The following MEF2A variants were observed in gnomAD, a reference collection of about 807,000 sequenced individuals.
The protein encoded by MEF2A is myocyte enhancer factor 2A, also known as myocyte-specific enhancer factor 2A.
A neutral mutation model predicts 55.8 loss-of-function variants in MEF2A; 28 were observed. The observed-to-expected ratio is 0.50, with a 90% CI of 0.37 to 0.69. MEF2A has a LOEUF of 0.69. MEF2A is among the 30% of genes least tolerant of loss of function. The probability of loss-of-function intolerance (pLI) is 0.00; values close to 1 mark genes in which losing one functional copy is unlikely to be tolerated. For missense variants in MEF2A, 528 were observed against 626.2 expected, an observed-to-expected ratio of 0.84 and a Z score of 1.67; for synonymous variants, 239 against 227.1, an observed-to-expected ratio of 1.05 and a Z score of -0.47.
At chr15:99,652,539 AAATGAGACACTGC>A (rs2047032087) in intron 4 of MEF2A, among the ~76,000 whole-genome samples, 1 of 152,172 alleles carries the variant, frequency 6.6e-6, no homozygotes, top group Admixed American at 6.5e-5. Context: ...GGAAATTAGG[AAATGAGACACTGC>A]AGTTAGTGTA....
chr15:99,580,228 G>C (rs1014430276), intron 1 of MEF2A, among the ~76,000 whole-genome samples: 8 of 152,132 alleles, frequency 5.3e-5, no homozygotes, highest in African/African-American at 1.9e-4. Context: ...CAATGGCTGG[G>C]ATTTGGTGAC....
rs2059165532 is a variant in MEF2A at position 99,716,485 on chromosome 15, T to C, written c.*3714T>C. On this transcript the variant is annotated 3_prime_UTR_variant, in exon 12 of 12. Coordinates refer to ENST00000557942, the MANE Select transcript of MEF2A (RefSeq NM_001319206.4). ...CCAGTAAAGACGGACTGGCTCTTCC[T>C]GTGCGTCGAGACTCTGTCATGTTTG... is the stretch of plus-strand genomic sequence containing the variant. The C allele has an allele frequency of 2.2e-6, 1 of 456,730 alleles. No homozygotes were observed. The highest frequency in any genetic ancestry group is 2.3e-5 in the Admixed American group (1 of 42,574). 28.3% of individuals were successfully genotyped at this position (456,730 alleles called of 1,614,324 possible).
rs1596475330 is a variant in MEF2A at position 99,612,892 on chromosome 15, T to C, written c.-143+14381T>C. On this transcript the variant is annotated intron_variant, in intron 2 of 11. Coordinates refer to ENST00000557942, the MANE Select transcript of MEF2A (RefSeq NM_001319206.4). Reference sequence around the variant, plus strand: ...AGAAATGTGAAGAATATAAAATTCTTCTCATATTCTTCTTTAGCAAGTGAA... The same window carrying C: ...AGAAATGTGAAGAATATAAAATTCTCCTCATATTCTTCTTTAGCAAGTGAA... 4.6e-5 allele frequency among the ~76,000 whole-genome samples: 7 copies of C among 151,946 alleles called. No individual in the cohort carries two copies. In the South Asian group the frequency reaches 1.5e-3, roughly 32 times the overall value.
intron 4 of MEF2A, 94 bp downstream of exon 4, chr15:99,645,858 A>G (rs180982553): frequency 1.7e-5 from 15 of 874,336 alleles, no homozygotes; most frequent in Non-Finnish European, 2.4e-5. Flanking sequence ...CATCTAAAAC[A>G]TAAATTAGGT....
At chr15:99,602,211 G>A (rs1199344963) in intron 2 of MEF2A, among the ~76,000 whole-genome samples, 2 of 152,122 alleles carry the variant, frequency 1.3e-5, no homozygotes, top group Non-Finnish European at 2.9e-5. Context: ...CAGCGTGAGA[G>A]ATCAGTGCGT....
chr15:99,570,193 TTCA>T (rs1221252292), intron 1 of MEF2A, among the ~76,000 whole-genome samples: 4 of 152,208 alleles, frequency 2.6e-5, no homozygotes, highest in Non-Finnish European at 4.4e-5. Flanking sequence ...GGTAATTTAC[TTCA>T]TCATTATTTT....
intron 4 of MEF2A, among the ~76,000 whole-genome samples, chr15:99,655,754 G>A (rs1206624679): frequency 1.3e-5 from 2 of 152,044 alleles, no homozygotes; most frequent in Non-Finnish European, 2.9e-5. Flanking sequence ...GACACATCAT[G>A]CTGTTTAAAA....
At chr15:99,685,882 T>G (rs934611595) in intron 7 of MEF2A, among the ~76,000 whole-genome samples, 3 of 152,164 alleles carry the variant, frequency 2.0e-5, no homozygotes, top group African/African-American at 7.2e-5. Context: ...AAAATAAGAT[T>G]GGTACTAGTT....
intron 4 of MEF2A, among the ~76,000 whole-genome samples, chr15:99,659,098 T>C (rs2048210557): frequency 6.6e-6 from 1 of 152,192 alleles, no homozygotes; most frequent in African/African-American, 2.4e-5. Context: ...TCCAGGACTT[T>C]TGAAGATAGA....
chr15:99,646,041 T>A (rs2153481293), intron 4 of MEF2A, among the ~76,000 whole-genome samples: 1 of 152,324 alleles, frequency 6.6e-6, no homozygotes, highest in East Asian at 1.9e-4. Context: ...GTATGAGTTT[T>A]AAAATTAATA....
At chr15:99,689,080 A>G (rs922494168) in intron 7 of MEF2A, among the ~76,000 whole-genome samples, 1 of 152,238 alleles carries the variant, frequency 6.6e-6, no homozygotes, top group Non-Finnish European at 1.5e-5. Context: ...ACTAGTACCC[A>G]AAAGTATTAT....
intron 1 of MEF2A, among the ~76,000 whole-genome samples, chr15:99,593,484 G>A (rs1970063033): frequency 6.6e-6 from 1 of 152,186 alleles, no homozygotes; most frequent in African/African-American, 2.4e-5. Context: ...TAAGGCATGA[G>A]GAGTTGGGTG....
At chr15:99,636,024 G>A (rs969279038) in intron 3 of MEF2A, among the ~76,000 whole-genome samples, 3 of 152,162 alleles carry the variant, frequency 2.0e-5, no homozygotes, top group African/African-American at 4.8e-5. Context: ...TGCTGGCAGA[G>A]TGTAAGAGTT....
intron 2 of MEF2A, among the ~76,000 whole-genome samples, chr15:99,614,321 C>T (rs2039828480): frequency 6.6e-6 from 1 of 152,128 alleles, no homozygotes; most frequent in South Asian, 2.1e-4. Context: ...AACTTCTGAG[C>T]TCAAGTGATC....
intron 2 of MEF2A, among the ~76,000 whole-genome samples, chr15:99,623,671 T>C (rs2041604734): frequency 6.6e-6 from 1 of 152,232 alleles, no homozygotes; most frequent in Non-Finnish European, 1.5e-5. Context: ...TTCATAGGCT[T>C]ATTGAACATT....
chr15:99,603,114 T>C (rs1312236329), intron 2 of MEF2A, among the ~76,000 whole-genome samples: 1 of 152,170 alleles, frequency 6.6e-6, no homozygotes, highest in Non-Finnish European at 1.5e-5. Context: ...TTAATTTTCC[T>C]TTGTTTGCAT....
chr15:99,698,292 T>C lies in MEF2A; in HGVS notation c.859-5070T>C, dbSNP rs1240989126. The stretch of plus-strand genomic sequence containing the variant: ...AGTCACATATCCAATAAAGAGTTTG[T>C]ATCCAGAATATTTTAAGAATTCTTA... On this transcript the variant is annotated intron_variant, in intron 8 of 11. Coordinates refer to ENST00000557942, the MANE Select transcript of MEF2A (RefSeq NM_001319206.4). 2.0e-5 allele frequency among the ~76,000 whole-genome samples: 3 copies of C among 152,302 alleles called. 1 individual carries two copies. The highest frequency in any genetic ancestry group is 2.1e-4 in the South Asian group (1 of 4,830).
chr15:99,636,694 CT>C (rs1048513971), intron 3 of MEF2A, among the ~76,000 whole-genome samples: 2 of 152,120 alleles, frequency 1.3e-5, no homozygotes, highest in African/African-American at 2.4e-5. Context: ...TCCCATTTAC[CT>C]TTTTTTCCCT....
intron 3 of MEF2A, among the ~76,000 whole-genome samples, chr15:99,642,414 C>CT (rs1210647993): frequency 1.3e-5 from 2 of 151,964 alleles, no homozygotes; most frequent in Admixed American, 6.6e-5. Flanking sequence ...ATGCTCTGGG[C>CT]TTTTTTGGTA....
Sources: gnomAD v4.1 joint callset for allele counts (sites outside exome capture counted in the v4.1 genomes callset) on GRCh38, gnomAD v4.1.1 for gene constraint, MANE v1.5 for transcripts, NCBI Gene and HGNC (gene_info 2026-07-23, HGNC 2026-07-21) for gene names.